Variants in KANSL1 observed in about 807,000 individuals in gnomAD.
The protein encoded by KANSL1 is KAT8 regulatory NSL complex subunit 1.
Under a neutral mutation model 103.6 loss-of-function variants are expected in KANSL1, and 22 were observed. That is an observed-to-expected ratio of 0.21 (90% CI 0.15 to 0.30). The LOEUF (loss-of-function observed/expected upper bound fraction) is 0.30, where lower values mean the gene tolerates loss of function less well. Among genes scored for constraint, KANSL1 ranks in the 10% least tolerant of loss-of-function variants. KANSL1 has a pLI of 1.00. For missense variants in KANSL1, 1,337 were observed against 1,399.8 expected, an observed-to-expected ratio of 0.96 and a Z score of 0.72; for synonymous variants, 600 against 527.6, an observed-to-expected ratio of 1.14 and a Z score of -1.88.
At position 46,038,685 on chromosome 17, in the gene KANSL1, C is replaced by A; in HGVS notation, c.2394G>T (p.Val798=). ...TGCTCATGTCTGTGTGATGCTTCAA[C>A]ACTGCAGAAGTCAACAGAAAAGAGA... ...LRDHSSERSE[V]LKHHTDMSSS... Residue 798 remains valine (V), a splice_region_variant and synonymous_variant, in exon 10 of 15, where the codon GTG becomes GTT. Transcript: ENST00000432791. 6.2e-7 allele frequency: 1 copy of A among 1,614,152 alleles called. No individual in the cohort carries two copies. The highest frequency in any genetic ancestry group is 2.2e-5 in the East Asian group (1 of 44,892).
chr17:46,087,558 G>A (rs535181930), intron 3 of KANSL1, among the ~76,000 whole-genome samples: 2 of 152,294 alleles, frequency 1.3e-5, no homozygotes, highest in Non-Finnish European at 2.9e-5. Context: ...ATCTAGCCTT[G>A]AACAGACAAA....
intron 2 of KANSL1, among the ~76,000 whole-genome samples, chr17:46,096,445 C>T (rs1267557339): frequency 6.6e-6 from 1 of 151,082 alleles, no homozygotes; most frequent in African/African-American, 2.4e-5. Context: ...CTCAGCCTCC[C>T]GAGCAGCTGG....
chr17:46,125,038 AGGG>A (rs1449685940), intron 2 of KANSL1, among the ~76,000 whole-genome samples: 4 of 78,750 alleles, frequency 5.1e-5, no homozygotes, highest in Non-Finnish European at 7.4e-5. Context: ...GGAGGTAGGG[AGGG>A]AGGGAGGAGG....
intron 7 of KANSL1, among the ~76,000 whole-genome samples, chr17:46,047,353 G>A (rs1414073501): frequency 1.3e-5 from 2 of 152,190 alleles, no homozygotes; most frequent in Admixed American, 6.5e-5. Flanking sequence ...AACTTTTGTT[G>A]CAACACAATC....
At chr17:46,073,573 A>C in intron 4 of KANSL1, among the ~76,000 whole-genome samples, 1 of 152,178 alleles carries the variant, frequency 6.6e-6, no homozygotes, top group South Asian at 2.1e-4. Flanking sequence ...AAAAGGATAT[A>C]AAGAAGAATG....
intron 2 of KANSL1, among the ~76,000 whole-genome samples, chr17:46,138,961 G>A (rs2044286424): frequency 6.6e-6 from 1 of 152,210 alleles, no homozygotes; most frequent in African/African-American, 2.4e-5. Context: ...ACTACCCCCA[G>A]TGGCTTATGA....
At chr17:46,200,277 C>T (rs1228066392) in intron 1 of KANSL1, among the ~76,000 whole-genome samples, 1 of 152,046 alleles carries the variant, frequency 6.6e-6, no homozygotes, top group Non-Finnish European at 1.5e-5. Flanking sequence ...CCAAAATGTA[C>T]CAAGAAACTA....
intron 2 of KANSL1, among the ~76,000 whole-genome samples, chr17:46,130,189 A>C (rs1469262885): frequency 4.0e-5 from 4 of 98,770 alleles, no homozygotes; most frequent in Non-Finnish European, 6.5e-5. Context: ...CCTGTCTCCA[A>C]AAAAAAAAAA....
intron 10 of KANSL1, chr17:46,035,358 TC>T (rs1333205985): frequency 2.6e-5 from 4 of 152,206 alleles, no homozygotes; most frequent in African/African-American, 9.7e-5. Flanking sequence ...TATCCTCTGT[TC>T]CTGGACGGTG....
At chr17:46,116,591 C>T (rs563163919) in intron 2 of KANSL1, among the ~76,000 whole-genome samples, 1 of 152,316 alleles carries the variant, frequency 6.6e-6, no homozygotes, top group South Asian at 2.1e-4. Context: ...TCTATCAAGA[C>T]ACAAAATATT....
intron 11 of KANSL1, 138 bp downstream of exon 11, chr17:46,034,023 G>A (rs541593749): frequency 1.3e-4 from 141 of 1,069,256 alleles, no homozygotes; most frequent in African/African-American, 2.6e-4. Context: ...AAATAATTTC[G>A]TTCTTATCAG....
chr17:46,091,741 A>G (rs901613969), intron 3 of KANSL1, among the ~76,000 whole-genome samples: 7 of 151,870 alleles, frequency 4.6e-5, no homozygotes, highest in African/African-American at 1.7e-4. Flanking sequence ...AATAGGCTAT[A>G]TACCATATTG....
At chr17:46,141,213 C>T (rs560870128) in intron 2 of KANSL1, among the ~76,000 whole-genome samples, 1 of 152,312 alleles carries the variant, frequency 6.6e-6, no homozygotes, top group Non-Finnish European at 1.5e-5. Context: ...CTTTTATATT[C>T]CCACCTGTGA....
intron 3 of KANSL1, among the ~76,000 whole-genome samples, chr17:46,092,164 T>A (rs1265661437): frequency 1.3e-5 from 2 of 152,222 alleles, no homozygotes; most frequent in Non-Finnish European, 2.9e-5. Flanking sequence ...CACTTTATGA[T>A]GTTCACGCAC....
rs16940967 is a variant in KANSL1, at chr17:46,163,832, A to G, written c.1289+7023T>C. On this transcript the variant is annotated intron_variant, in intron 2 of 14. Transcript: ENST00000432791. Reference sequence around the variant, plus strand: ...CATTACATTTACCATCTGTACCTATAATACTATGTCTTCAACATATCCCAT... The same window carrying G: ...CATTACATTTACCATCTGTACCTATGATACTATGTCTTCAACATATCCCAT... Among the ~76,000 whole-genome samples the G allele has an allele frequency of 6.7e-3, 1,024 of 152,322 alleles. 8 individuals carry two copies. The highest frequency in any genetic ancestry group is 0.023 in the African/African-American group (974 of 41,544).
At chr17:46,032,000 T>G (rs769373626) in intron 14 of KANSL1, 47 bp downstream of exon 14, 4 of 1,612,064 alleles carry the variant, frequency 2.5e-6, no homozygotes, top group Non-Finnish European at 3.4e-6. Context: ...CCTTCCTGGT[T>G]CCATCCCCCA....
At chr17:46,127,156 A>G (rs927638934) in intron 2 of KANSL1, among the ~76,000 whole-genome samples, 10 of 152,234 alleles carry the variant, frequency 6.6e-5, no homozygotes, top group African/African-American at 2.4e-4. Flanking sequence ...TCAAAGGACT[A>G]TTTTCACCCC....
At chr17:46,149,838 C>A (rs1228078020) in intron 2 of KANSL1, among the ~76,000 whole-genome samples, 3 of 151,394 alleles carry the variant, frequency 2.0e-5, no homozygotes, top group Admixed American at 6.6e-5. Flanking sequence ...GATGATGAAA[C>A]CCCGTCTCTA....
chr17:46,216,785 GA>G (rs1424502388), intron 1 of KANSL1, among the ~76,000 whole-genome samples: 6 of 152,062 alleles, frequency 3.9e-5, no homozygotes, highest in South Asian at 2.1e-4. Context: ...GTTCTGGGCT[GA>G]ATTGTGTTCC....
Sources: allele counts gnomAD v4.1 joint callset (sites outside exome capture counted in the v4.1 genomes callset), GRCh38; gene constraint gnomAD v4.1.1; transcripts MANE v1.5; gene names NCBI Gene and HGNC (gene_info 2026-07-23, HGNC 2026-07-21).